NANOG: variants seen among roughly 807,000 people sequenced by gnomAD.
NANOG encodes Nanog homeobox, also known as homeobox protein NANOG.
A neutral mutation model predicts 17.7 loss-of-function variants in NANOG; 2 were observed. The ratio of observed to expected loss-of-function variants is 0.11; its 90% CI spans 0.05 to 0.36. The LOEUF (loss-of-function observed/expected upper bound fraction) is 0.36, where lower values mean the gene tolerates loss of function less well. NANOG is among the 10% of genes least tolerant of loss of function. The probability of loss-of-function intolerance (pLI) is 1.00; values close to 1 mark genes in which losing one functional copy is unlikely to be tolerated. For missense variants in NANOG, 174 were observed against 362.1 expected, an observed-to-expected ratio of 0.48 and a Z score of 4.22; for synonymous variants, 81 against 124.7, an observed-to-expected ratio of 0.65 and a Z score of 2.33.
rs1196762983 is a variant in NANOG, at chr12:7,794,737, TGAACCCGACTGG to T, written c.566_577del (p.Pro189_Asn192del). ...TCTTCCTACCACCAGGGATGCCTGGTGAACCCGACTGGGAACCTTCCAATGTGGAGCAACCAG... is the reference window on the plus strand; with the variant it reads ...TCTTCCTACCACCAGGGATGCCTGGTGAACCTTCCAATGTGGAGCAACCAG... On this transcript the variant is annotated inframe_deletion, in exon 4 of 4. Coordinates refer to ENST00000229307, the MANE Select transcript of NANOG (RefSeq NM_024865.4). 6.4e-7 allele frequency: 1 copy of T among 1,561,992 alleles called. No individual in the cohort carries two copies. The highest frequency in any genetic ancestry group is 8.7e-7 in the Non-Finnish European group (1 of 1,149,764).
At chr12:7,790,937 G>T (rs1862832263) in intron 1 of NANOG, among the ~76,000 whole-genome samples, 1 of 151,986 alleles carries the variant, frequency 6.6e-6, no homozygotes, top group Non-Finnish European at 1.5e-5. Flanking sequence ...TAGAGACAGG[G>T]TCTCACTTTG....
intron 2 of NANOG, among the ~76,000 whole-genome samples, chr12:7,794,040 C>T (rs755249008): frequency 1.8e-4 from 27 of 152,124 alleles, no homozygotes; most frequent in Non-Finnish European, 2.8e-4. Context: ...CTACCACACC[C>T]GGCCCTTGCC....
intron 1 of NANOG, among the ~76,000 whole-genome samples, chr12:7,791,105 C>CT (rs1862834390): frequency 8.1e-6 from 1 of 122,712 alleles, no homozygotes; most frequent in Admixed American, 8.1e-5. Flanking sequence ...TTCTTTCTTT[C>CT]TTTCTTTCTT....
intron 1 of NANOG, among the ~76,000 whole-genome samples, chr12:7,791,989 G>A (rs1304727703): frequency 2.6e-5 from 4 of 152,138 alleles, no homozygotes; most frequent in African/African-American, 7.2e-5. Context: ...CGGCCTCCTG[G>A]GTTCAAGTGA....
rs1862960377 is a variant in NANOG, at chr12:7,798,722, TCTACTCTGAGTA to T, written c.*3628_*3639del. The T allele has an allele frequency of 2.6e-5, 1 of 39,056 alleles. No individual in the cohort carries two copies. The highest frequency in any genetic ancestry group is 1.2e-4 in the African/African-American group (1 of 8,634). The allele number at this position is 39,056 out of a possible 1,614,324, so 2.4% of individuals were successfully genotyped here. ...TCTCGGGGTGAAGGACAAGGTTAAT[TCTACTCTGAGTA>T]ATTCTACCGTTCAGAAAACCTGGTG... is the stretch of plus-strand genomic sequence containing the variant. On this transcript the variant is annotated 3_prime_UTR_variant, in exon 4 of 4. Transcript: ENST00000229307.
chr12:7,793,481 A>G (rs1862872518), intron 2 of NANOG, among the ~76,000 whole-genome samples: 1 of 152,254 alleles, frequency 6.6e-6, no homozygotes. Context: ...TTAATAAAAA[A>G]GAAGTATCTA....
In NANOG at chr12:7,789,749, G is replaced by A; in HGVS notation, c.135G>A (p.Met45Ile). 6.2e-7 allele frequency: 1 copy of A among 1,613,738 alleles called. No homozygotes were observed. The highest frequency in any genetic ancestry group is 1.1e-5 in the South Asian group (1 of 91,074). ...YPSLQMSSAE[M>I]PHTETVSPLP... The stretch of plus-strand genomic sequence containing the variant: ...CCTTGCAAATGTCTTCTGCTGAGAT[G>A]CCTCACACGGAGACTGGTAAGAAAG... The change falls in exon 1 of 4, where the codon ATG (methionine) becomes ATA (isoleucine). Residue 45 changes from methionine (M) to isoleucine (I), a missense_variant. Physicochemically the swap from Met to Ile is conservative, Grantham distance 10. Around this residue, in one of 2 missense-constraint regions of NANOG, gnomAD observed 158 missense variants for 244.2 expected, o/e 0.65. Transcript: ENST00000229307.
In NANOG at chr12:7,798,532, A is replaced by T. The variant is rs921778370; in HGVS notation, c.*3437A>T. On this transcript the variant is annotated 3_prime_UTR_variant, in exon 4 of 4. Coordinates refer to ENST00000229307, the MANE Select transcript of NANOG (RefSeq NM_024865.4). Reference sequence around the variant, plus strand: ...GTAGCTTTACCATATTTTAGTTTTTAAAATTCATTATTTTGATTTCTCAGC... The same window carrying T: ...GTAGCTTTACCATATTTTAGTTTTTTAAATTCATTATTTTGATTTCTCAGC... 6 of 152,196 alleles carry T rather than the reference A, an allele frequency of 3.9e-5. No homozygotes were observed. The highest frequency in any genetic ancestry group is 7.3e-5 in the Non-Finnish European group (5 of 68,038). 9.4% of individuals were successfully genotyped at this position (152,196 alleles called of 1,614,324 possible).
At position 7,795,380 on chromosome 12, in the gene NANOG, GGC is replaced by G. The variant is rs1862913005; in HGVS notation, c.*289_*290del. 6.0e-6 allele frequency: 2 copies of G among 333,148 alleles called. No individual in the cohort carries two copies. The highest frequency in any genetic ancestry group is 4.4e-5 in the African/African-American group (2 of 45,764). 20.6% of individuals were successfully genotyped at this position (333,148 alleles called of 1,614,324 possible). ...TCTGTCGCCCAGGCTGGAGTGCAGT[GGC>G]GCGGTCTTGGCTCACTGCAAGCTCC... On this transcript the variant is annotated 3_prime_UTR_variant, in exon 4 of 4. Transcript: ENST00000229307.
At chr12:7,793,261 T>G in intron 2 of NANOG, 49 bp downstream of exon 2, 1 of 1,589,830 alleles carries the variant, frequency 6.3e-7, no homozygotes, top group South Asian at 1.1e-5. Flanking sequence ...TTGGACTAAT[T>G]TGCATGGCTA....
chr12:7,793,863 T>C (rs868413002), intron 2 of NANOG, among the ~76,000 whole-genome samples: 91 of 152,206 alleles, frequency 6.0e-4, no homozygotes, highest in Middle Eastern at 3.4e-3. Context: ...TGCCTCAGCC[T>C]CCCAAGTAGC....
In NANOG at chr12:7,797,325, G is replaced by A. The variant is rs1347951063; in HGVS notation, c.*2230G>A. ...CCTGACTCGGCCTCCCAAAGTGGTG[G>A]GATTATAGGTGTGAGCCACCGTGTC... is the stretch of plus-strand genomic sequence containing the variant. On this transcript the variant is annotated 3_prime_UTR_variant, in exon 4 of 4. Coordinates refer to ENST00000229307, the MANE Select transcript of NANOG (RefSeq NM_024865.4). 1 of 149,550 alleles carries A rather than the reference G, an allele frequency of 6.7e-6. No homozygotes were observed. The highest frequency in any genetic ancestry group is 2.0e-4 in the East Asian group (1 of 5,124). The allele number at this position is 149,550 out of a possible 1,614,324, so 9.3% of individuals were successfully genotyped here.
intron 2 of NANOG, 63 bp from the exon 3 acceptor site, chr12:7,794,394 A>G: frequency 7.1e-7 from 1 of 1,418,258 alleles, no homozygotes; most frequent in East Asian, 2.4e-5. Flanking sequence ...TTAGCAATAT[A>G]CTTTGATTCA....
rs201963033 is a variant in NANOG, at chr12:7,796,288, A to AAAATAAATAAATAAAT, written c.*1196_*1211dup. The AAAATAAATAAATAAAT allele has an allele frequency of 9.9e-5, 15 of 152,190 alleles. No individual in the cohort carries two copies. The highest frequency in any genetic ancestry group is 3.1e-4 in the African/African-American group (13 of 41,502). 9.4% of individuals were successfully genotyped at this position (152,190 alleles called of 1,614,324 possible). On this transcript the variant is annotated 3_prime_UTR_variant, in exon 4 of 4. Coordinates refer to ENST00000229307, the MANE Select transcript of NANOG (RefSeq NM_024865.4). ...CGACAAGAGCAAAACTCCCATCTCAAAAATAAATAAATAAATAAGTAAATA... is the reference window on the plus strand; with the variant it reads ...CGACAAGAGCAAAACTCCCATCTCAAAAATAAATAAATAAATAAATAAATAAATAAATAAGTAAATA...
intron 2 of NANOG, 129 bp from the exon 3 acceptor site, chr12:7,794,328 C>A: frequency 1.2e-6 from 1 of 850,398 alleles, no homozygotes; most frequent in Non-Finnish European, 1.8e-6. Flanking sequence ...CCGCCTTGGC[C>A]TTCCAAAGTG....
At chr12:7,792,921 A>T in intron 1 of NANOG, 29 bp from the exon 2 acceptor site, 1 of 1,556,592 alleles carries the variant, frequency 6.4e-7, no homozygotes. Flanking sequence ...AATTTTAGAC[A>T]AAAGTGTCCT....
At chr12:7,791,155 C>T (rs1368891832) in intron 1 of NANOG, among the ~76,000 whole-genome samples, 5 of 150,962 alleles carry the variant, frequency 3.3e-5, no homozygotes, top group African/African-American at 4.9e-5. Flanking sequence ...GTTGCCCACG[C>T]GGGAGTGCAG....
chr12:7,796,767 ATT>A lies in NANOG; in HGVS notation c.*1675_*1676del, dbSNP rs1251196043. Reference sequence around the variant, plus strand: ...ATTCCAAGTGTTTTTTTTTTGTTTTATTTTGTTTTTTTTTAAGACTGGAGTCT... The same window carrying A: ...ATTCCAAGTGTTTTTTTTTTGTTTTATTGTTTTTTTTTAAGACTGGAGTCT... On this transcript the variant is annotated 3_prime_UTR_variant, in exon 4 of 4. Coordinates refer to ENST00000229307, the MANE Select transcript of NANOG (RefSeq NM_024865.4). The A allele has an allele frequency of 1.6e-5, 1 of 61,872 alleles. No individual in the cohort carries two copies. The highest frequency in any genetic ancestry group is 4.1e-5 in the African/African-American group (1 of 24,394). The allele number at this position is 61,872 out of a possible 1,614,324, so 3.8% of individuals were successfully genotyped here. A position where few individuals can be genotyped will look rare whatever the true frequency, so the allele number is the denominator to read the frequency against.
At chr12:7,790,765 A>C (rs1862828911) in intron 1 of NANOG, among the ~76,000 whole-genome samples, 1 of 152,086 alleles carries the variant, frequency 6.6e-6, no homozygotes, top group Admixed American at 6.6e-5. Flanking sequence ...TCTTTTTTAG[A>C]ATCAGGGACT....
Sources: gnomAD v4.1 joint callset for allele counts (sites outside exome capture counted in the v4.1 genomes callset) on GRCh38, gnomAD v4.1.1 for gene constraint, gnomAD v4.1.1 regional missense constraint, MANE v1.5 for transcripts, NCBI Gene and HGNC (gene_info 2026-07-23, HGNC 2026-07-21) for gene names.